PTPRM: variants seen among roughly 807,000 people sequenced by gnomAD.
The protein encoded by PTPRM is receptor-type tyrosine-protein phosphatase mu.
A neutral mutation model predicts 186.7 loss-of-function variants in PTPRM; 47 were observed. The ratio of observed to expected loss-of-function variants is 0.25; its 90% CI spans 0.20 to 0.32. The LOEUF is 0.32. PTPRM is among the 10% of genes least tolerant of loss of function. The pLI, the probability that PTPRM is intolerant of heterozygous loss-of-function variation, is 1.00. For missense variants in PTPRM, 1,494 were observed against 1,865.0 expected, an observed-to-expected ratio of 0.80 and a Z score of 3.66; for synonymous variants, 668 against 674.9, an observed-to-expected ratio of 0.99 and a Z score of 0.16.
intron 22 of PTPRM, among the ~76,000 whole-genome samples, chr18:8,331,035 T>C (rs919906895): frequency 6.6e-6 from 1 of 152,214 alleles, no homozygotes; most frequent in Non-Finnish European, 1.5e-5. Flanking sequence ...CTAATCCATA[T>C]CCCATCACTC....
At chr18:8,025,142 G>C (rs1004876596) in intron 7 of PTPRM, among the ~76,000 whole-genome samples, 3 of 152,122 alleles carry the variant, frequency 2.0e-5, no homozygotes, top group Non-Finnish European at 4.4e-5. Context: ...CCCAAAATGT[G>C]CATTTTTTTA....
At chr18:8,056,497 C>T (rs1343629146) in intron 7 of PTPRM, among the ~76,000 whole-genome samples, 1 of 152,052 alleles carries the variant, frequency 6.6e-6, no homozygotes, top group Admixed American at 6.6e-5. Context: ...TGGCAAACAC[C>T]TGTTTTCCCT....
intron 13 of PTPRM, among the ~76,000 whole-genome samples, chr18:8,120,191 C>T (rs79673623): frequency 0.076 from 11,624 of 152,136 alleles, 537 homozygotes; most frequent in Middle Eastern, 0.18. Context: ...GGTGGTAGGC[C>T]TGCTGGCCCA....
intron 1 of PTPRM, among the ~76,000 whole-genome samples, chr18:7,586,326 G>C (rs559526195): frequency 6.6e-6 from 1 of 152,262 alleles, no homozygotes; most frequent in Admixed American, 6.5e-5. Flanking sequence ...TTCAGGTATT[G>C]TAAGTGCACT....
At chr18:7,781,178 T>G (rs1030957420) in intron 2 of PTPRM, among the ~76,000 whole-genome samples, 11 of 152,214 alleles carry the variant, frequency 7.2e-5, no homozygotes, top group African/African-American at 2.7e-4. Context: ...AATTCTTATT[T>G]TCTCTTCTGA....
chr18:8,390,184 T>G (rs921917689), intron 31 of PTPRM, among the ~76,000 whole-genome samples: 4 of 152,202 alleles, frequency 2.6e-5, no homozygotes, highest in Non-Finnish European at 5.9e-5. Flanking sequence ...GTCATCTGAC[T>G]TACAACAAAG....
intron 29 of PTPRM, among the ~76,000 whole-genome samples, chr18:8,381,900 G>A (rs1568872412): frequency 2.0e-5 from 3 of 152,176 alleles, no homozygotes; most frequent in Non-Finnish European, 4.4e-5. Context: ...GTTCATATTA[G>A]TGAACAAGAC....
At chr18:8,253,605 G>A (rs572386712) in intron 19 of PTPRM, among the ~76,000 whole-genome samples, 191 bp downstream of exon 19, 41 of 152,136 alleles carry the variant, frequency 2.7e-4, no homozygotes, top group African/African-American at 9.6e-4. Flanking sequence ...TCCAAGTCCC[G>A]GTGTGAGCCC....
intron 14 of PTPRM, among the ~76,000 whole-genome samples, chr18:8,200,646 C>T (rs1048056581): frequency 1.3e-5 from 2 of 152,240 alleles, no homozygotes; most frequent in Non-Finnish European, 2.9e-5. Context: ...AACATTTATA[C>T]ATCATGCAAG....
At chr18:8,376,797 G>C (rs945393185) in intron 26 of PTPRM, 200 bp downstream of exon 26, 2 of 624,970 alleles carry the variant, frequency 3.2e-6, no homozygotes, top group Admixed American at 3.7e-5. Flanking sequence ...AAACCCAGGA[G>C]TTTTCCAGGT....
intron 7 of PTPRM, among the ~76,000 whole-genome samples, chr18:8,064,263 G>A (rs966406144): frequency 1.6e-4 from 25 of 152,126 alleles, no homozygotes; most frequent in Admixed American, 2.0e-4. Context: ...CCAGCATTTG[G>A]AATACAAGAA....
chr18:8,143,686 A>G lies in PTPRM; in HGVS notation c.2207A>G (p.Gln736Arg), dbSNP rs1184754484. 3.1e-6 allele frequency: 5 copies of G among 1,608,900 alleles called. No homozygotes were observed. The highest frequency in any genetic ancestry group is 2.2e-5 in the East Asian group (1 of 44,842). Residue 736 changes from glutamine (Q) to arginine (R), a missense_variant, in exon 14 of 33, where the codon CAG (glutamine) becomes CGG (arginine). This residue lies in a region of PTPRM where 1,107 missense variants were observed against 1,350.2 expected (regional missense o/e 0.82). Coordinates refer to ENST00000580170, the MANE Select transcript of PTPRM (RefSeq NM_001105244.2). ...TPKPVPEPEK[Q>R]TDHTVKIAGV... ...AAACCAGTCCCAGAACCCGAGAAAC[A>G]GACAGACCATACAGTTAAAATTGCT...
chr18:8,069,877 C>G lies in PTPRM; in HGVS notation c.1324C>G (p.Pro442Ala). ...AAGCTGGGATACAGAAAACTCACAC[C>G]CTCAACACACGATCACTAACCTGTC... ...EVSWDTENSH[P>A]QHTITNLSPY... Residue 442 changes from proline to alanine, a missense_variant, in exon 8 of 33, where the codon CCT (proline) becomes GCT (alanine). Pro to Ala is a conservative substitution (Grantham distance 27). This residue lies in a region of PTPRM where 1,107 missense variants were observed against 1,350.2 expected (regional missense o/e 0.82). Coordinates refer to ENST00000580170, the MANE Select transcript of PTPRM (RefSeq NM_001105244.2). 6.2e-7 allele frequency: 1 copy of G among 1,613,630 alleles called. No homozygotes were observed. Among genetic ancestry groups the G allele is most frequent in the African/African-American group, 1.3e-5 (1 of 74,984 alleles).
chr18:8,186,785 G>GCC (rs2093647619), intron 14 of PTPRM, among the ~76,000 whole-genome samples: 1 of 152,172 alleles, frequency 6.6e-6, no homozygotes. Flanking sequence ...TACATTTGAG[G>GCC]TTCAAAGACA....
chr18:7,819,269 C>T (rs115623473), intron 2 of PTPRM, among the ~76,000 whole-genome samples: 3,195 of 103,882 alleles, frequency 0.031, 106 homozygotes, highest in African/African-American at 0.087. Context: ...CCACCCTGGC[C>T]TGCCATGCCC....
chr18:7,850,825 A>G (rs2046824578), intron 2 of PTPRM, among the ~76,000 whole-genome samples: 1 of 152,228 alleles, frequency 6.6e-6, no homozygotes, highest in South Asian at 2.1e-4. Flanking sequence ...GTGTTATTCA[A>G]TTAAAAATAA....
intron 14 of PTPRM, among the ~76,000 whole-genome samples, chr18:8,183,960 G>A (rs55662987): frequency 0.075 from 11,375 of 152,190 alleles, 552 homozygotes; most frequent in Middle Eastern, 0.27. Context: ...TGTGAAGGAT[G>A]ACTTAGACTT....
At chr18:8,189,340 C>G (rs1290099548) in intron 14 of PTPRM, among the ~76,000 whole-genome samples, 12 of 151,702 alleles carry the variant, frequency 7.9e-5, no homozygotes, top group Admixed American at 7.2e-4. Flanking sequence ...AGAAAACATC[C>G]CCTGTTTTTG....
At chr18:8,177,639 A>G (rs183692904) in intron 14 of PTPRM, among the ~76,000 whole-genome samples, 62 of 152,356 alleles carry the variant, frequency 4.1e-4, no homozygotes, top group African/African-American at 1.2e-3. Flanking sequence ...CCTCAGAAGA[A>G]AGAATTCAAC....
Sources: allele counts gnomAD v4.1 joint callset (sites outside exome capture counted in the v4.1 genomes callset), GRCh38; gene constraint gnomAD v4.1.1; regional missense constraint gnomAD v4.1.1; transcripts MANE v1.5; gene names NCBI Gene and HGNC (gene_info 2026-07-23, HGNC 2026-07-21).